The following ZNF143 variants were observed in gnomAD, a reference collection of about 807,000 sequenced individuals.
ZNF143 encodes the protein zinc finger protein 143, also known as SPH-binding factor.
Under a neutral mutation model 74.1 loss-of-function variants are expected in ZNF143, and 49 were observed. The ratio of observed to expected loss-of-function variants is 0.66; its 90% CI spans 0.53 to 0.84. The LOEUF (loss-of-function observed/expected upper bound fraction) is 0.84. Among genes scored for constraint, ZNF143 ranks in the 40% least tolerant of loss-of-function variants. ZNF143 has a pLI of 0.00. For synonymous variants in ZNF143, 304 were observed against 282.8 expected, an observed-to-expected ratio of 1.07 and a Z score of -0.75; for missense variants, 637 against 793.4, an observed-to-expected ratio of 0.80 and a Z score of 2.37.
chr11:9,512,376 A>G (rs765041578), intron 12 of ZNF143, 72 bp from the exon 13 acceptor site: 35 of 1,531,916 alleles, frequency 2.3e-5, no homozygotes, highest in African/African-American at 4.1e-5. Flanking sequence ...TTTCTCTTTA[A>G]TATTTAAAAT....
Position 9,500,321 on chromosome 11 carries a change from A to C in ZNF143, c.968-770A>C, listed in dbSNP as rs538225473. Reference sequence around the variant, plus strand: ...GGTATTTTTGACATATGTGCTAGGCACTAGATTTTCTTTTTTTTTTTTTTG... The same window carrying C: ...GGTATTTTTGACATATGTGCTAGGCCCTAGATTTTCTTTTTTTTTTTTTTG... On this transcript the variant is annotated intron_variant, in intron 10 of 15. Coordinates refer to ENST00000396602, the MANE Select transcript of ZNF143 (RefSeq NM_003442.6). Among the ~76,000 whole-genome samples, 10 of 139,568 alleles carry C rather than the reference A, an allele frequency of 7.2e-5. No homozygotes were observed. The East Asian group carries it at 1.8e-3, about 25-fold the overall frequency. The allele number at this position is 139,568 out of a possible 152,430, so 91.6% of individuals were successfully genotyped here. A position where few individuals can be genotyped will look rare whatever the true frequency, so the allele number is the denominator to read the frequency against.
intron 1 of ZNF143, among the ~76,000 whole-genome samples, chr11:9,463,026 A>T (rs58602953): frequency 0.018 from 2,747 of 152,254 alleles, 75 homozygotes; most frequent in African/African-American, 0.061. Context: ...ACTAGTTTGC[A>T]TGTTTGCTAT....
intron 1 of ZNF143, among the ~76,000 whole-genome samples, chr11:9,463,330 A>G (rs956875648): frequency 2.6e-5 from 4 of 152,172 alleles, no homozygotes; most frequent in Non-Finnish European, 4.4e-5. Flanking sequence ...TATAGTAACT[A>G]TGTTCAACCT....
At chr11:9,472,815 A>G (rs1258063608) in intron 3 of ZNF143, 46 bp downstream of exon 3, 4 of 1,434,516 alleles carry the variant, frequency 2.8e-6, no homozygotes, top group Non-Finnish European at 3.7e-6. Context: ...AGTGATTTAT[A>G]ACCTGTGAGT....
intron 11 of ZNF143, among the ~76,000 whole-genome samples, chr11:9,505,066 T>C (rs1848311675): frequency 8.4e-6 from 1 of 118,732 alleles, no homozygotes. Context: ...CTCCGCCTCC[T>C]GGGTTCAAGT....
chr11:9,476,703 C>T (rs573636449), intron 5 of ZNF143, among the ~76,000 whole-genome samples: 2 of 137,546 alleles, frequency 1.5e-5, no homozygotes, highest in African/African-American at 5.4e-5. Context: ...TGACATAACA[C>T]GTTTTAGAAA....
At chr11:9,479,860 C>T (rs558118066) in intron 7 of ZNF143, among the ~76,000 whole-genome samples, 1 of 152,334 alleles carries the variant, frequency 6.6e-6, no homozygotes, top group South Asian at 2.1e-4. Context: ...CCACCCATGG[C>T]ATGGCAATTT....
chr11:9,467,094 G>C (rs577108227), intron 1 of ZNF143, among the ~76,000 whole-genome samples: 2 of 151,744 alleles, frequency 1.3e-5, no homozygotes, highest in Non-Finnish European at 2.9e-5. Flanking sequence ...GGGTTTCACC[G>C]TGTTAGCCAG....
At chr11:9,501,993 A>G (rs563330603) in intron 11 of ZNF143, among the ~76,000 whole-genome samples, 57 of 123,222 alleles carry the variant, frequency 4.6e-4, no homozygotes, top group South Asian at 5.1e-4. Context: ...CTGGAGTGCA[A>G]TGGCGCGATC....
At position 9,476,239 on chromosome 11, in the gene ZNF143, C is replaced by T. The variant is rs370063998; in HGVS notation, c.373+1606C>T. ...TAAAATGAGGATTATAGTAGGTGTC[C>T]ATATCATACGTAGGGTTGTTGTGAG... On this transcript the variant is annotated intron_variant, in intron 5 of 15. Transcript: ENST00000396602. Among the ~76,000 whole-genome samples the T allele has an allele frequency of 1.2e-4, 18 of 151,834 alleles. No homozygotes were observed. In the East Asian group the frequency reaches 3.1e-3, roughly 26 times the overall value.
chr11:9,514,860 GGCCCAT>G (rs1848668373), intron 13 of ZNF143, among the ~76,000 whole-genome samples: 1 of 152,230 alleles, frequency 6.6e-6, no homozygotes, highest in Admixed American at 6.5e-5. Flanking sequence ...TGGGCACAGT[GGCCCAT>G]GCCTGTAATC....
intron 14 of ZNF143, among the ~76,000 whole-genome samples, chr11:9,518,483 T>TG (rs1189072058): frequency 6.6e-6 from 1 of 152,086 alleles, no homozygotes; most frequent in Non-Finnish European, 1.5e-5. Flanking sequence ...GAGGCCGAGG[T>TG]GGGTGGATCA....
chr11:9,488,309 C>G (rs1847639448), intron 7 of ZNF143, among the ~76,000 whole-genome samples: 1 of 152,164 alleles, frequency 6.6e-6, no homozygotes, highest in Non-Finnish European at 1.5e-5. Context: ...TGGCTTGTCC[C>G]TTACTTAAAA....
At position 9,479,512 on chromosome 11, in the gene ZNF143, T is replaced by G. The variant is rs777989501; in HGVS notation, c.611T>G (p.Met204Arg). Residue 204 changes from methionine (M) to arginine (R), a missense_variant, in exon 7 of 16, where the codon ATG (methionine) becomes AGG (arginine). By Grantham distance (91) the Met-to-Arg change is moderately conservative. Transcript: ENST00000396602. ...AGTGAAAGTGTAGCAGGTACTGGAA[T>G]GATTGGAGAAAATGAGCAAGAGAAA... ...DGSESVAGTG[M>R]IGENEQEKKM... 1 of 1,613,388 alleles carries G rather than the reference T, an allele frequency of 6.2e-7. No homozygotes were observed. The highest frequency in any genetic ancestry group is 1.1e-5 in the South Asian group (1 of 91,048).
At chr11:9,499,951 TTTTG>T (rs1486098819) in intron 10 of ZNF143, among the ~76,000 whole-genome samples, 2 of 152,164 alleles carry the variant, frequency 1.3e-5, no homozygotes, top group African/African-American at 4.8e-5. Context: ...AAGCAGATTT[TTTTG>T]TTTTTGAGAC....
intron 8 of ZNF143, among the ~76,000 whole-genome samples, chr11:9,495,416 G>C (rs1847925180): frequency 1.3e-5 from 2 of 152,162 alleles, no homozygotes; most frequent in Admixed American, 6.5e-5. Context: ...ACTCCAGCCT[G>C]GGCAACAGAG....
intron 1 of ZNF143, among the ~76,000 whole-genome samples, chr11:9,462,856 C>G (rs948108849): frequency 6.6e-6 from 1 of 152,052 alleles, no homozygotes; most frequent in Admixed American, 6.6e-5. Context: ...GTCTGGGCAA[C>G]AAGAGCGAAA....
At chr11:9,462,263 T>TC (rs1239953645) in intron 1 of ZNF143, among the ~76,000 whole-genome samples, 3 of 150,078 alleles carry the variant, frequency 2.0e-5, no homozygotes, top group Non-Finnish European at 4.5e-5. Flanking sequence ...TGAGTGCCTT[T>TC]TTTTTTTTTG....
chr11:9,472,609 G>GAA, intron 2 of ZNF143, 68 bp from the exon 3 acceptor site: 4 of 1,328,744 alleles, frequency 3.0e-6, no homozygotes, highest in Admixed American at 2.0e-5. Flanking sequence ...ATCTTTATTT[G>GAA]AAAAAAAAAT....
Sources: gnomAD v4.1 joint callset for allele counts (sites outside exome capture counted in the v4.1 genomes callset) on GRCh38, gnomAD v4.1.1 for gene constraint, MANE v1.5 for transcripts, NCBI Gene and HGNC (gene_info 2026-07-23, HGNC 2026-07-21) for gene names.